The following GPR176 variants were observed in gnomAD, a reference collection of about 807,000 sequenced individuals.
GPR176 encodes the protein G protein-coupled receptor 176.
In GPR176, 26 loss-of-function variants were observed where a neutral mutation model predicts 35.4. The ratio of observed to expected loss-of-function variants is 0.74; its 90% CI spans 0.54 to 1.02. GPR176 has a LOEUF of 1.02. GPR176 is among the 50% of genes least tolerant of loss of function. GPR176 has a pLI of 0.00. For synonymous variants in GPR176, 278 were observed against 271.3 expected (o/e 1.02, Z -0.24); for missense variants, 597 against 665.3 (o/e 0.90, Z 1.13).
chr15:39,893,412 G>T (rs1278909021), intron 1 of GPR176, among the ~76,000 whole-genome samples: 4 of 152,000 alleles, frequency 2.6e-5, no homozygotes, highest in Non-Finnish European at 5.9e-5. Flanking sequence ...GAGAGCACAG[G>T]GTTGGGGGTA....
chr15:39,819,489 T>C (rs543822070), intron 1 of GPR176, among the ~76,000 whole-genome samples: 3 of 152,360 alleles, frequency 2.0e-5, no homozygotes, highest in East Asian at 3.9e-4. Flanking sequence ...TGAAGTTTAA[T>C]ATAACTTAAC....
chr15:39,918,334 T>G (rs1017550547), intron 1 of GPR176, among the ~76,000 whole-genome samples: 2 of 152,218 alleles, frequency 1.3e-5, no homozygotes, highest in Non-Finnish European at 2.9e-5. Flanking sequence ...TACTCAAATT[T>G]TTAGACTCAA....
chr15:39,895,027 G>C (rs1157352040), intron 1 of GPR176, among the ~76,000 whole-genome samples: 1 of 152,216 alleles, frequency 6.6e-6, no homozygotes, highest in African/African-American at 2.4e-5. Context: ...TTAGGGGTTG[G>C]AGACCGGCCT....
intron 1 of GPR176, among the ~76,000 whole-genome samples, chr15:39,857,500 T>C (rs2031299380): frequency 1.3e-5 from 2 of 151,570 alleles, no homozygotes; most frequent in South Asian, 2.1e-4. Context: ...CAAAACCCCA[T>C]CTCTATAAAA....
chr15:39,862,079 T>C (rs1462458104), intron 1 of GPR176: 1 of 152,192 alleles, frequency 6.6e-6, no homozygotes, highest in Non-Finnish European at 1.5e-5. Flanking sequence ...GGCCCTACCT[T>C]TGCCCTTGGA....
Position 39,801,581 on chromosome 15 carries a change from T to C in GPR176, c.1099A>G (p.Ser367Gly). The C allele has an allele frequency of 6.2e-7, 1 of 1,614,074 alleles. No homozygotes were observed. Residue 367 changes from serine (S) to glycine (G), a missense_variant, in exon 3 of 3, where the codon AGC becomes GGC. Transcript: ENST00000561100. ...ASLEPSIRSG[S>G]QLLEMFHIGQ... ...ATGTGGAACATCTCCAGGAGCTGGCTACCCGAGCGTATGCTGGGTTCCAGG... is the reference window on the plus strand; with the variant it reads ...ATGTGGAACATCTCCAGGAGCTGGCCACCCGAGCGTATGCTGGGTTCCAGG...
intron 1 of GPR176, among the ~76,000 whole-genome samples, chr15:39,879,639 C>T (rs2032395545): frequency 6.6e-6 from 1 of 152,166 alleles, no homozygotes; most frequent in Non-Finnish European, 1.5e-5. Context: ...CAACATCGTG[C>T]CTACCTCACA....
At position 39,901,584 on chromosome 15, in the gene GPR176, A is replaced by G. The variant is rs1018058439; in HGVS notation, c.172+18271T>C. Reference sequence around the variant, plus strand: ...ATTACTCCCCTAGGAACAACAACAAAAAAGTCTTCTAATGACCTTAGCACT... The same window carrying G: ...ATTACTCCCCTAGGAACAACAACAAGAAAGTCTTCTAATGACCTTAGCACT... On this transcript the variant is annotated intron_variant, in intron 1 of 2. Coordinates refer to ENST00000561100, the MANE Select transcript of GPR176 (RefSeq NM_007223.3). 2.6e-5 allele frequency among the ~76,000 whole-genome samples: 4 copies of G among 152,126 alleles called. No homozygotes were observed. In the South Asian group the frequency reaches 6.2e-4, roughly 24 times the overall value.
At chr15:39,849,500 T>C (rs2030703839) in intron 1 of GPR176, among the ~76,000 whole-genome samples, 1 of 152,126 alleles carries the variant, frequency 6.6e-6, no homozygotes, top group Non-Finnish European at 1.5e-5. Context: ...ATATCCCTCA[T>C]GAATAGTTAC....
At chr15:39,875,971 T>C (rs9672455) in intron 1 of GPR176, among the ~76,000 whole-genome samples, 8,905 of 149,084 alleles carry the variant, frequency 0.06, 666 homozygotes, top group Admixed American at 0.19. Context: ...TACATATATG[T>C]ATATATTTAA....
chr15:39,876,737 G>A (rs1595500182), intron 1 of GPR176, among the ~76,000 whole-genome samples: 1 of 152,134 alleles, frequency 6.6e-6, no homozygotes, highest in South Asian at 2.1e-4. Context: ...TGGGAGGTGG[G>A]AGGATGGTTG....
In GPR176 at chr15:39,802,119, A is replaced by G. The variant is rs757072968; in HGVS notation, c.561T>C (p.Tyr187=). 2 of 1,614,192 alleles carry G rather than the reference A, an allele frequency of 1.2e-6. No homozygotes were observed. The highest frequency in any genetic ancestry group is 4.5e-5 in the East Asian group (2 of 44,872). Residue 187 remains tyrosine (Y), a synonymous_variant, in exon 3 of 3, where the codon TAT becomes TAC. Coordinates refer to ENST00000561100, the MANE Select transcript of GPR176 (RefSeq NM_007223.3). The part of the protein sequence containing the change: ...VFAVTNVADI[Y]ATSTCTEVWS... ...AGACTTCCGTGCAGGTGGACGTGGC[A>G]TAGATGTCAGCCACATTGGTTACTG...
intron 1 of GPR176, among the ~76,000 whole-genome samples, chr15:39,895,078 G>A (rs930893008): frequency 1.3e-5 from 2 of 152,244 alleles, no homozygotes; most frequent in Non-Finnish European, 2.9e-5. Context: ...AAACCAGTCA[G>A]GCGTGGCGGC....
At chr15:39,816,127 C>A in intron 1 of GPR176, among the ~76,000 whole-genome samples, 1 of 152,150 alleles carries the variant, frequency 6.6e-6, no homozygotes, top group Non-Finnish European at 1.5e-5. Flanking sequence ...GTAGAATGGG[C>A]TGCCAGTAGG....
At chr15:39,811,521 G>A (rs979079911) in intron 1 of GPR176, among the ~76,000 whole-genome samples, 4 of 152,110 alleles carry the variant, frequency 2.6e-5, no homozygotes, top group Non-Finnish European at 5.9e-5. Context: ...TCAGATTTTG[G>A]AATATTTGCA....
intron 1 of GPR176, among the ~76,000 whole-genome samples, chr15:39,819,893 G>A (rs952153541): frequency 6.6e-6 from 1 of 152,202 alleles, no homozygotes; most frequent in Admixed American, 6.5e-5. Flanking sequence ...TTTTGGAAAT[G>A]AAAGCTTCTT....
intron 1 of GPR176, among the ~76,000 whole-genome samples, chr15:39,881,560 T>G (rs28547041): frequency 1.3e-5 from 2 of 152,220 alleles, no homozygotes; most frequent in Non-Finnish European, 1.5e-5. Flanking sequence ...ATGTTCTTAA[T>G]AATCATCACA....
At chr15:39,893,171 T>C (rs1043198405) in intron 1 of GPR176, among the ~76,000 whole-genome samples, 4 of 152,104 alleles carry the variant, frequency 2.6e-5, no homozygotes, top group Non-Finnish European at 5.9e-5. Flanking sequence ...GGCAGGGTCA[T>C]AGGACAATAG....
intron 1 of GPR176, among the ~76,000 whole-genome samples, chr15:39,838,969 A>G (rs776760492): frequency 5.3e-5 from 8 of 152,210 alleles, no homozygotes; most frequent in Non-Finnish European, 1.0e-4. Context: ...TAAGCTGATA[A>G]GCAACTTCAG....
Sources: gnomAD v4.1 joint callset for allele counts (sites outside exome capture counted in the v4.1 genomes callset) on GRCh38, gnomAD v4.1.1 for gene constraint, MANE v1.5 for transcripts, NCBI Gene and HGNC (gene_info 2026-07-23, HGNC 2026-07-21) for gene names.